Variants in GLI3 observed in about 807,000 individuals in gnomAD.
The protein encoded by GLI3 is GLI family zinc finger 3, also known as transcription activator GLI3.
In GLI3, 20 loss-of-function variants were observed where a neutral mutation model predicts 100.8. The observed-to-expected ratio is 0.20, with a 90% CI of 0.14 to 0.29. GLI3 has a LOEUF of 0.29. Ranked by LOEUF, GLI3 falls within the 10% of genes least tolerant of loss-of-function variation. The pLI is 1.00. For synonymous variants in GLI3, 938 were observed against 860.5 expected, an observed-to-expected ratio of 1.09 and a Z score of -1.58; for missense variants, 2,040 against 2,128.5, an observed-to-expected ratio of 0.96 and a Z score of 0.82.
intron 3 of GLI3, among the ~76,000 whole-genome samples, chr7:42,089,365 T>C (rs1354973739): frequency 6.6e-6 from 1 of 152,238 alleles, no homozygotes; most frequent in African/African-American, 2.4e-5. Flanking sequence ...TGAAGCATGA[T>C]AATACGGGAT....
rs568918261 is a variant in GLI3, at chr7:42,186,813, A to T, written c.124+36317T>A. On this transcript the variant is annotated intron_variant, in intron 2 of 14. Coordinates refer to ENST00000395925, the MANE Select transcript of GLI3 (RefSeq NM_000168.6). ...CAACTTTTATAAACCACCACATCTCATTTTCATGATATCTACATTTTGGGA... is the reference window on the plus strand; with the variant it reads ...CAACTTTTATAAACCACCACATCTCTTTTTCATGATATCTACATTTTGGGA... Among the ~76,000 whole-genome samples the T allele has an allele frequency of 3.9e-5, 6 of 152,290 alleles. No homozygotes were observed. The East Asian group carries it at 1.2e-3, about 29-fold the overall frequency.
chr7:41,999,894 A>T (rs1788237487), intron 10 of GLI3, among the ~76,000 whole-genome samples: 1 of 152,208 alleles, frequency 6.6e-6, no homozygotes, highest in East Asian at 1.9e-4. Flanking sequence ...AGCCTCATGG[A>T]TAGGGCCTCA....
chr7:42,184,707 A>C (rs1246310760), intron 2 of GLI3, among the ~76,000 whole-genome samples: 3 of 152,170 alleles, frequency 2.0e-5, no homozygotes, highest in African/African-American at 7.2e-5. Flanking sequence ...CCTGTGCCAC[A>C]GAGAGCTGCT....
In GLI3 at chr7:41,964,919, G is replaced by A; in HGVS notation, c.4154C>T (p.Pro1385Leu). 3 of 1,613,788 alleles carry A rather than the reference G, an allele frequency of 1.9e-6. No homozygotes were observed. Among genetic ancestry groups the A allele is most frequent in the Non-Finnish European group, 2.5e-6 (3 of 1,180,040 alleles). Residue 1385 changes from proline (P) to leucine (L), a missense_variant, in exon 15 of 15, where the codon CCA becomes CTA. By Grantham distance (98) the Pro-to-Leu change is moderately conservative. This residue lies in a region of GLI3 where 1,041 missense variants were observed against 924.0 expected (regional missense o/e 1.13). Transcript: ENST00000395925. ...CCTGCTGCCCCCAAAGCTGGCACAT[G>A]GCTGGTAGCCCCTGACAACTGCCAA... ...SSLAVVRGYQ[P>L]CASFGGSRRQ...
intron 3 of GLI3, among the ~76,000 whole-genome samples, chr7:42,146,230 G>A (rs73327513): frequency 0.015 from 2,321 of 152,214 alleles, 60 homozygotes; most frequent in African/African-American, 0.053. Flanking sequence ...TATGAATGCT[G>A]TAACCTCAAA....
intron 7 of GLI3, among the ~76,000 whole-genome samples, chr7:42,028,454 G>C (rs10250711): frequency 0.062 from 9,502 of 152,218 alleles, 427 homozygotes; most frequent in Non-Finnish European, 0.097. Flanking sequence ...GACGGATAAG[G>C]GAAGTGCATT....
chr7:42,222,360 C>T (rs953994100), intron 2 of GLI3, among the ~76,000 whole-genome samples: 5 of 152,120 alleles, frequency 3.3e-5, no homozygotes, highest in Non-Finnish European at 5.9e-5. Flanking sequence ...TCAGGGAGGC[C>T]AAGAATGGCT....
Position 42,040,097 on chromosome 7 carries a change from A to G in GLI3, c.969T>C (p.Asn323=). The change falls in exon 7 of 15, where the codon AAT becomes AAC. Residue 323 remains asparagine (N), a synonymous_variant. Transcript: ENST00000395925. The part of the protein sequence containing the change: ...SPNSLVTILN[N]SRSSSSASGS... Reference sequence around the variant, plus strand: ...CACTTGCTGAAGAGCTGCTACGGGAATTATTGAGAATCGTGACCAAGGAGT... The same window carrying G: ...CACTTGCTGAAGAGCTGCTACGGGAGTTATTGAGAATCGTGACCAAGGAGT... 1 of 1,614,114 alleles carries G rather than the reference A, an allele frequency of 6.2e-7. No individual in the cohort carries two copies. Among genetic ancestry groups the G allele is most frequent in the Non-Finnish European group, 8.5e-7 (1 of 1,179,966 alleles).
chr7:42,087,462 C>T (rs1785126606), intron 3 of GLI3, among the ~76,000 whole-genome samples: 1 of 152,220 alleles, frequency 6.6e-6, no homozygotes, highest in Non-Finnish European at 1.5e-5. Context: ...CACCACCCTA[C>T]CCCATGCCAC....
chr7:42,032,520 T>C (rs1789322498), intron 7 of GLI3, among the ~76,000 whole-genome samples: 2 of 152,194 alleles, frequency 1.3e-5, no homozygotes, highest in South Asian at 4.1e-4. Context: ...ATATAGGCAC[T>C]TCAAAGTCAT....
intron 2 of GLI3, among the ~76,000 whole-genome samples, chr7:42,164,690 C>T (rs1407406500): frequency 1.3e-5 from 2 of 151,768 alleles, no homozygotes; most frequent in Admixed American, 6.6e-5. Flanking sequence ...ATTAGCCGGG[C>T]GTGGTGGCCT....
chr7:42,187,268 A>G (rs184395714), intron 2 of GLI3, among the ~76,000 whole-genome samples: 1 of 152,110 alleles, frequency 6.6e-6, no homozygotes, highest in African/African-American at 2.4e-5. Context: ...TTAAAACGCT[A>G]TTCACCCCAT....
intron 13 of GLI3, among the ~76,000 whole-genome samples, chr7:41,969,715 GAC>G (rs775181867): frequency 6.6e-6 from 1 of 152,150 alleles, no homozygotes; most frequent in African/African-American, 2.4e-5. Context: ...CACACAGGCA[GAC>G]ACACTTCATA....
At chr7:42,086,716 G>A (rs1305136075) in intron 3 of GLI3, among the ~76,000 whole-genome samples, 1 of 151,952 alleles carries the variant, frequency 6.6e-6, no homozygotes, top group African/African-American at 2.4e-5. Flanking sequence ...TTCCCAGGGG[G>A]CTCCATGGGA....
intron 7 of GLI3, among the ~76,000 whole-genome samples, chr7:42,031,727 A>T (rs998469427): frequency 5.3e-5 from 8 of 152,222 alleles, no homozygotes; most frequent in Non-Finnish European, 1.0e-4. Flanking sequence ...GTGTATGGTC[A>T]CTGGATTGTT....
chr7:42,187,426 T>C (rs1402548338), intron 2 of GLI3, among the ~76,000 whole-genome samples: 1 of 152,092 alleles, frequency 6.6e-6, no homozygotes, highest in African/African-American at 2.4e-5. Flanking sequence ...GATGGCAACA[T>C]AAGAGGAAAG....
chr7:41,993,813 G>A (rs1329270498), intron 10 of GLI3, among the ~76,000 whole-genome samples: 1 of 152,132 alleles, frequency 6.6e-6, no homozygotes, highest in East Asian at 1.9e-4. Context: ...GGAAACGGAA[G>A]CAATTTCCTG....
chr7:42,177,838 G>A (rs565891276), intron 2 of GLI3, among the ~76,000 whole-genome samples: 10 of 152,296 alleles, frequency 6.6e-5, no homozygotes, highest in Admixed American at 2.0e-4. Context: ...CAATAGCAGA[G>A]GCTCACATGC....
chr7:42,011,372 A>G (rs1788606807), intron 10 of GLI3, among the ~76,000 whole-genome samples: 1 of 152,246 alleles, frequency 6.6e-6, no homozygotes, highest in African/African-American at 2.4e-5. Context: ...GAAATAAAGC[A>G]AAGAGAATCA....
Sources: gnomAD v4.1 joint callset for allele counts (sites outside exome capture counted in the v4.1 genomes callset) on GRCh38, gnomAD v4.1.1 for gene constraint, gnomAD v4.1.1 regional missense constraint, MANE v1.5 for transcripts, NCBI Gene and HGNC (gene_info 2026-07-23, HGNC 2026-07-21) for gene names.